ATG5: variants seen among roughly 807,000 people sequenced by gnomAD.
ATG5 encodes autophagy related 5.
ATG5 carries 14 observed loss-of-function variants against 36.5 expected under a neutral mutation model. The ratio of observed to expected loss-of-function variants is 0.38; its 90% CI spans 0.25 to 0.60. The LOEUF is 0.60. Among genes scored for constraint, ATG5 ranks in the 20% least tolerant of loss-of-function variants. The probability of loss-of-function intolerance (pLI) is 0.60; values close to 1 mark genes in which losing one functional copy is unlikely to be tolerated. For synonymous variants in ATG5, 95 were observed against 101.5 expected (o/e 0.94, Z 0.38); for missense variants, 195 against 326.7 (o/e 0.60, Z 3.11).
intron 6 of ATG5, among the ~76,000 whole-genome samples, chr6:106,244,863 T>C (rs1264567353): frequency 6.6e-6 from 1 of 152,240 alleles, no homozygotes; most frequent in Non-Finnish European, 1.5e-5. Context: ...TTTATCAATC[T>C]ATTGCTTCTT....
At chr6:106,208,201 T>C (rs1228996253) in intron 6 of ATG5, among the ~76,000 whole-genome samples, 2 of 136,830 alleles carry the variant, frequency 1.5e-5, no homozygotes, top group African/African-American at 5.0e-5. Flanking sequence ...AACAGGAATA[T>C]ATACATATGT....
intron 3 of ATG5, among the ~76,000 whole-genome samples, chr6:106,306,303 A>C (rs1221555685): frequency 6.6e-6 from 1 of 152,246 alleles, no homozygotes; most frequent in African/African-American, 2.4e-5. Context: ...GAATACAAGA[A>C]TAACCACCAT....
intron 2 of ATG5, among the ~76,000 whole-genome samples, chr6:106,309,110 C>T (rs1770553986): frequency 6.6e-6 from 1 of 152,100 alleles, no homozygotes; most frequent in African/African-American, 2.4e-5. Flanking sequence ...AAAGAAGGAG[C>T]TTGGCAAAAA....
chr6:106,195,392 T>C (rs1021992070), intron 7 of ATG5, among the ~76,000 whole-genome samples: 2 of 152,224 alleles, frequency 1.3e-5, no homozygotes, highest in African/African-American at 2.4e-5. Context: ...TGCTTCATGT[T>C]TGACACATCT....
At chr6:106,230,238 G>A (rs570806489) in intron 6 of ATG5, among the ~76,000 whole-genome samples, 3 of 152,296 alleles carry the variant, frequency 2.0e-5, no homozygotes, top group Admixed American at 6.5e-5. Context: ...CGTACTTACC[G>A]AATCAAAAAG....
At chr6:106,243,972 T>C (rs530081886) in intron 6 of ATG5, among the ~76,000 whole-genome samples, 1 of 126,042 alleles carries the variant, frequency 7.9e-6, no homozygotes, top group Non-Finnish European at 1.6e-5. Context: ...TTGAGTGTAG[T>C]GGCATGATCA....
chr6:106,237,213 A>C (rs1184116313), intron 6 of ATG5, among the ~76,000 whole-genome samples: 3 of 152,184 alleles, frequency 2.0e-5, no homozygotes, highest in African/African-American at 7.2e-5. Flanking sequence ...AGAAAATTTT[A>C]AATAAAAGCA....
intron 7 of ATG5, among the ~76,000 whole-genome samples, chr6:106,190,935 C>T (rs1032413010): frequency 2.6e-5 from 4 of 152,046 alleles, no homozygotes; most frequent in Non-Finnish European, 5.9e-5. Context: ...CAATTATGCA[C>T]CACTAGTTAG....
intron 6 of ATG5, among the ~76,000 whole-genome samples, chr6:106,242,977 T>C (rs2114498627): frequency 6.6e-6 from 1 of 152,328 alleles, no homozygotes; most frequent in Admixed American, 6.5e-5. Context: ...TCCTCACTTT[T>C]CAAAATCCAG....
At chr6:106,232,230 T>G (rs1271653609) in intron 6 of ATG5, among the ~76,000 whole-genome samples, 1 of 152,154 alleles carries the variant, frequency 6.6e-6, no homozygotes, top group Non-Finnish European at 1.5e-5. Flanking sequence ...CTTCTCAGTC[T>G]TATTTTCCTG....
intron 4 of ATG5, among the ~76,000 whole-genome samples, chr6:106,290,405 C>T (rs1421009432): frequency 6.6e-6 from 1 of 151,936 alleles, no homozygotes; most frequent in Non-Finnish European, 1.5e-5. Context: ...ACTCCAGCCT[C>T]GAATTCCTGG....
At chr6:106,191,430 T>G (rs747229109) in intron 7 of ATG5, among the ~76,000 whole-genome samples, 28 of 152,154 alleles carry the variant, frequency 1.8e-4, no homozygotes, top group Non-Finnish European at 2.8e-4. Context: ...AGAGGATCAC[T>G]AACACGTCTC....
intron 1 of ATG5, among the ~76,000 whole-genome samples, chr6:106,320,703 T>A (rs1771033170): frequency 6.6e-6 from 1 of 151,320 alleles, no homozygotes; most frequent in African/African-American, 2.4e-5. Flanking sequence ...GCAATTATTA[T>A]CCCTCTAATG....
rs1283688185 is a variant in ATG5 at position 106,312,538 on chromosome 6, A to G, written c.108+3563T>C. ...TGGACAAGAACTCCAGGGGGTAAAAAGTGAAGTGAAAAAAAAGAAAGCAGA... is the reference window on the plus strand; with the variant it reads ...TGGACAAGAACTCCAGGGGGTAAAAGGTGAAGTGAAAAAAAAGAAAGCAGA... On this transcript the variant is annotated intron_variant, in intron 2 of 7. Transcript: ENST00000369076. Among the ~76,000 whole-genome samples, 5 of 152,040 alleles carry G rather than the reference A, an allele frequency of 3.3e-5. No homozygotes were observed. In the East Asian group the frequency reaches 9.6e-4, roughly 29 times the overall value.
chr6:106,190,879 G>C (rs929342859), intron 7 of ATG5, among the ~76,000 whole-genome samples: 5 of 152,094 alleles, frequency 3.3e-5, no homozygotes, highest in African/African-American at 1.2e-4. Context: ...TACAATGACT[G>C]TTATCAATAT....
intron 4 of ATG5, among the ~76,000 whole-genome samples, chr6:106,283,054 G>A (rs1396901791): frequency 6.6e-6 from 1 of 152,080 alleles, no homozygotes; most frequent in Admixed American, 6.6e-5. Flanking sequence ...GCCTCCCAAA[G>A]TACTGGGATT....
intron 3 of ATG5, among the ~76,000 whole-genome samples, chr6:106,305,248 C>T (rs978190113): frequency 6.6e-6 from 1 of 152,092 alleles, no homozygotes; most frequent in African/African-American, 2.4e-5. Context: ...AAGAATACTC[C>T]ATTCTGCTAT....
intron 4 of ATG5, among the ~76,000 whole-genome samples, chr6:106,280,135 A>G (rs558454715): frequency 6.6e-6 from 1 of 152,172 alleles, no homozygotes; most frequent in Non-Finnish European, 1.5e-5. Context: ...GCCCTCACAC[A>G]CTACTAACAG....
intron 5 of ATG5, among the ~76,000 whole-genome samples, chr6:106,257,544 T>C (rs951158364): frequency 6.6e-6 from 1 of 152,224 alleles, no homozygotes; most frequent in Non-Finnish European, 1.5e-5. Flanking sequence ...TGAAACATCA[T>C]AATGCAGAGC....
Sources: gnomAD v4.1 joint callset for allele counts (sites outside exome capture counted in the v4.1 genomes callset) on GRCh38, gnomAD v4.1.1 for gene constraint, MANE v1.5 for transcripts, NCBI Gene and HGNC (gene_info 2026-07-23, HGNC 2026-07-21) for gene names.